WWOX: variants seen among roughly 807,000 people sequenced by gnomAD.
WWOX encodes the protein WW domain containing oxidoreductase, also known as WW domain-containing oxidoreductase.
Under a neutral mutation model 46.2 loss-of-function variants are expected in WWOX, and 69 were observed. That is an observed-to-expected ratio of 1.49 (90% CI 1.23 to 1.82). The LOEUF (loss-of-function observed/expected upper bound fraction) is 1.82, where lower values mean the gene tolerates loss of function less well. WWOX is among the 40% of genes most tolerant of loss of function. The pLI, the probability that WWOX is intolerant of heterozygous loss-of-function variation, is 0.00. For synonymous variants in WWOX, 359 were observed against 202.6 expected (o/e 1.77, Z -6.56); for missense variants, 919 against 542.6 (o/e 1.69, Z -6.89).
At chr16:78,771,412 G>A (rs1382341973) in intron 8 of WWOX, among the ~76,000 whole-genome samples, 2 of 152,176 alleles carry the variant, frequency 1.3e-5, no homozygotes, top group South Asian at 4.1e-4. Context: ...AAGAGTTTTG[G>A]AGATAGAAGT....
intron 4 of WWOX, among the ~76,000 whole-genome samples, chr16:78,120,460 C>T (rs2033036448): frequency 6.6e-6 from 1 of 151,942 alleles, no homozygotes; most frequent in Non-Finnish European, 1.5e-5. Flanking sequence ...GTCCCAGCTA[C>T]TCGGGAGGCT....
intron 8 of WWOX, among the ~76,000 whole-genome samples, chr16:78,867,512 ATG>A (rs959816097): frequency 1.0e-4 from 11 of 109,658 alleles, no homozygotes; most frequent in Non-Finnish European, 1.8e-4. Flanking sequence ...GTGTGTGTGT[ATG>A]TGTGTGTGTT....
At chr16:78,978,637 TATA>T (rs970679779) in intron 8 of WWOX, among the ~76,000 whole-genome samples, 9 of 152,156 alleles carry the variant, frequency 5.9e-5, no homozygotes, top group African/African-American at 2.2e-4. Flanking sequence ...TCAGGAAACT[TATA>T]ATCATGGCAG....
chr16:78,636,081 A>G (rs1429447398), intron 8 of WWOX, among the ~76,000 whole-genome samples: 3 of 152,124 alleles, frequency 2.0e-5, no homozygotes, highest in African/African-American at 7.2e-5. Flanking sequence ...AGACATCTGC[A>G]CTCTAGTAGT....
chr16:78,749,041 A>G (rs114776694), intron 8 of WWOX, among the ~76,000 whole-genome samples: 533 of 152,342 alleles, frequency 3.5e-3, no homozygotes, highest in African/African-American at 0.012. Context: ...AGCCAAGTGT[A>G]TTCTAAAATT....
intron 8 of WWOX, among the ~76,000 whole-genome samples, chr16:78,843,957 C>T (rs1001991968): frequency 2.0e-5 from 3 of 152,248 alleles, no homozygotes; most frequent in Middle Eastern, 6.8e-3. Context: ...ATTACATTTC[C>T]TAATTATGTG....
intron 8 of WWOX, among the ~76,000 whole-genome samples, chr16:79,067,174 C>T (rs1199134977): frequency 6.6e-6 from 1 of 152,192 alleles, no homozygotes; most frequent in African/African-American, 2.4e-5. Flanking sequence ...CCGGCCATCC[C>T]CTTTGCTCTG....
intron 8 of WWOX, among the ~76,000 whole-genome samples, chr16:78,746,847 G>C (rs535311011): frequency 1.1e-3 from 175 of 152,220 alleles, no homozygotes; most frequent in African/African-American, 4.0e-3. Context: ...ATAAATATTT[G>C]ATCTTGTGAA....
At chr16:78,864,754 C>CTTTTTTTTT (rs57606576) in intron 8 of WWOX, among the ~76,000 whole-genome samples, 1 of 87,162 alleles carries the variant, frequency 1.1e-5, no homozygotes, top group African/African-American at 4.8e-5. Context: ...TCTCCAACTC[C>CTTTTTTTTT]TTTTTTTTTT....
intron 5 of WWOX, among the ~76,000 whole-genome samples, chr16:78,321,380 GCGTATATATATACGTA>G (rs1567499388): frequency 2.0e-5 from 1 of 49,604 alleles, no homozygotes; most frequent in African/African-American, 2.1e-4. Flanking sequence ...ACGTATATAT[GCGTATATATATACGTA>G]TATATACGTA....
rs200320711 is a variant in WWOX, at chr16:78,432,615, C to G, written c.919C>G (p.Leu307Val). ...CTGCAACATCCTCTTCTCCAACGAG[C>G]TGCACCGTCGCCTCTCCCCACGCGG... The part of the protein sequence containing the change: ...KLCNILFSNE[L>V]HRRLSPRGVT... The change falls in exon 8 of 9, where the codon CTG becomes GTG. Residue 307 changes from leucine to valine, a missense_variant. By Grantham distance (32) the Leu-to-Val change is conservative (BLOSUM62 1). Transcript: ENST00000566780. 2.7e-5 allele frequency: 43 copies of G among 1,614,092 alleles called. No individual in the cohort carries two copies. The highest frequency in any genetic ancestry group is 1.1e-5 in the Non-Finnish European group (13 of 1,180,052).
chr16:78,291,281 G>C (rs2079853087), intron 5 of WWOX, among the ~76,000 whole-genome samples: 2 of 152,080 alleles, frequency 1.3e-5, no homozygotes. Context: ...TGTATTCTTT[G>C]CTTAAGGACC....
chr16:78,746,200 G>A (rs1597537162), intron 8 of WWOX, among the ~76,000 whole-genome samples: 1 of 152,208 alleles, frequency 6.6e-6, no homozygotes, highest in Non-Finnish European at 1.5e-5. Context: ...ACGTAGTTGG[G>A]TCTAAAGTAC....
intron 8 of WWOX, among the ~76,000 whole-genome samples, chr16:78,580,193 C>A (rs779505663): frequency 6.6e-6 from 1 of 151,938 alleles, no homozygotes; most frequent in African/African-American, 2.4e-5. Context: ...CCTGCCTCAG[C>A]CTCTTGAGTA....
At chr16:78,861,851 A>C (rs946999438) in intron 8 of WWOX, among the ~76,000 whole-genome samples, 1 of 152,254 alleles carries the variant, frequency 6.6e-6, no homozygotes, top group Non-Finnish European at 1.5e-5. Context: ...CCATGTTTCC[A>C]GGCCTCTAAT....
chr16:78,385,917 A>G (rs1337006431), intron 5 of WWOX, among the ~76,000 whole-genome samples: 1 of 152,192 alleles, frequency 6.6e-6, no homozygotes, highest in Non-Finnish European at 1.5e-5. Flanking sequence ...ACCCAGATTT[A>G]AAAGTTGGGA....
At chr16:78,432,392 C>T (rs961547133) in intron 7 of WWOX, 96 bp from the exon 8 acceptor site, 3 of 1,513,790 alleles carry the variant, frequency 2.0e-6, no homozygotes, top group Non-Finnish European at 2.7e-6. Flanking sequence ...AGATGTGAGC[C>T]ACTGCACCCA....
intron 7 of WWOX, among the ~76,000 whole-genome samples, chr16:78,429,099 G>T (rs930294675): frequency 2.0e-5 from 3 of 152,144 alleles, no homozygotes; most frequent in African/African-American, 7.2e-5. Flanking sequence ...CTTACTATGT[G>T]TCAGGCACTG....
At chr16:78,333,462 A>G (rs1225239435) in intron 5 of WWOX, among the ~76,000 whole-genome samples, 2 of 152,126 alleles carry the variant, frequency 1.3e-5, no homozygotes, top group Admixed American at 6.5e-5. Context: ...ATCTGTTCTG[A>G]TGTAATACTT....
Sources: gnomAD v4.1 joint callset for allele counts (sites outside exome capture counted in the v4.1 genomes callset) on GRCh38, gnomAD v4.1.1 for gene constraint, MANE v1.5 for transcripts, NCBI Gene and HGNC (gene_info 2026-07-23, HGNC 2026-07-21) for gene names.